Variants in CNTN4 observed in about 807,000 individuals in gnomAD.
CNTN4 encodes contactin 4.
CNTN4 carries 77 observed loss-of-function variants against 122.5 expected under a neutral mutation model. The observed-to-expected ratio is 0.63, with a 90% confidence interval of 0.52 to 0.76. The LOEUF (loss-of-function observed/expected upper bound fraction) is 0.76. Ranked by LOEUF, CNTN4 falls within the 30% of genes least tolerant of loss-of-function variation. The pLI, the probability that CNTN4 is intolerant of heterozygous loss-of-function variation, is 0.00. For synonymous variants in CNTN4, 512 were observed against 447.0 expected (o/e 1.15, Z -1.83); for missense variants, 1,256 against 1,259.1 (o/e 1.00, Z 0.04).
chr3:2,559,436 A>C (rs568492635), intron 3 of CNTN4, among the ~76,000 whole-genome samples: 25 of 152,274 alleles, frequency 1.6e-4, no homozygotes, highest in African/African-American at 5.8e-4. Context: ...TAAGGGACTC[A>C]CATAATCCTC....
At chr3:2,707,316 A>C (rs946625400) in intron 4 of CNTN4, among the ~76,000 whole-genome samples, 5 of 147,640 alleles carry the variant, frequency 3.4e-5, no homozygotes, top group South Asian at 4.2e-4. Context: ...AAAAAAAAAA[A>C]CCCAAAAAAA....
intron 4 of CNTN4, among the ~76,000 whole-genome samples, chr3:2,617,303 C>G (rs71311716): frequency 0.1 from 15,236 of 151,812 alleles, 980 homozygotes; most frequent in Non-Finnish European, 0.14. Flanking sequence ...AAGAAAAAAA[C>G]AACCCCATCA....
At chr3:2,466,906 T>C (rs1035691163) in intron 3 of CNTN4, among the ~76,000 whole-genome samples, 1 of 151,974 alleles carries the variant, frequency 6.6e-6, no homozygotes, top group East Asian at 1.9e-4. Flanking sequence ...TTTGTTCTTT[T>C]AGCAAGACCT....
intron 3 of CNTN4, among the ~76,000 whole-genome samples, chr3:2,515,660 G>A (rs898123030): frequency 1.8e-4 from 27 of 151,974 alleles, no homozygotes; most frequent in Admixed American, 1.8e-3. Context: ...AGTCCTCTTA[G>A]TTGAAAACAG....
intron 8 of CNTN4, among the ~76,000 whole-genome samples, chr3:2,876,646 A>C (rs2093848212): frequency 6.6e-6 from 1 of 152,258 alleles, no homozygotes; most frequent in African/African-American, 2.4e-5. Flanking sequence ...TTAAACAAGC[A>C]CGATGTGTTG....
At chr3:2,386,698 T>G (rs906057403) in intron 3 of CNTN4, among the ~76,000 whole-genome samples, 1 of 152,186 alleles carries the variant, frequency 6.6e-6, no homozygotes, top group Admixed American at 6.5e-5. Flanking sequence ...TAAGGGCACA[T>G]TTTCCTCTTT....
chr3:2,798,675 G>GT (rs1384852327), intron 6 of CNTN4, among the ~76,000 whole-genome samples: 17 of 151,848 alleles, frequency 1.1e-4, no homozygotes, highest in East Asian at 1.9e-4. Context: ...ACACTTGGCT[G>GT]TTTTTTTGTA....
intron 4 of CNTN4, among the ~76,000 whole-genome samples, chr3:2,698,211 C>G (rs1463628913): frequency 3.3e-5 from 5 of 152,184 alleles, no homozygotes; most frequent in Non-Finnish European, 7.3e-5. Flanking sequence ...AAAATCCATA[C>G]TTTTACTATT....
At chr3:2,459,264 TC>T (rs1445092315) in intron 3 of CNTN4, among the ~76,000 whole-genome samples, 2 of 152,170 alleles carry the variant, frequency 1.3e-5, no homozygotes, top group Non-Finnish European at 2.9e-5. Flanking sequence ...CAGCCTTTTT[TC>T]TTCACCTCAC....
chr3:2,859,571 C>G (rs2093652174), intron 7 of CNTN4, among the ~76,000 whole-genome samples: 1 of 150,690 alleles, frequency 6.6e-6, no homozygotes, highest in African/African-American at 2.4e-5. Flanking sequence ...TCTTCCCTTG[C>G]AGGATGCAAA....
chr3:2,277,108 G>A (rs575377937), intron 2 of CNTN4, among the ~76,000 whole-genome samples: 1 of 152,038 alleles, frequency 6.6e-6, no homozygotes, highest in African/African-American at 2.4e-5. Flanking sequence ...GAGGAGGAGG[G>A]AGATATGTGT....
Position 2,208,672 on chromosome 3 carries a change from C to T in CNTN4, c.-145+108033C>T, listed in dbSNP as rs1367716741. 7.9e-5 allele frequency among the ~76,000 whole-genome samples: 12 copies of T among 152,182 alleles called. No homozygotes were observed. The East Asian group carries it at 9.7e-4, about 12-fold the overall frequency. ...CCACATGCTACAGAGAAATCTTTCT[C>T]GAAAGGAAGGGTCTATCTATGCAGC... On this transcript the variant is annotated intron_variant, in intron 2 of 24. Coordinates refer to ENST00000418658, the MANE Select transcript of CNTN4 (RefSeq NM_175607.3).
intron 9 of CNTN4, among the ~76,000 whole-genome samples, chr3:2,885,823 C>T (rs2093968420): frequency 6.6e-6 from 1 of 152,164 alleles, no homozygotes; most frequent in South Asian, 2.1e-4. Flanking sequence ...GTCTAGAAAG[C>T]TCACAAGAGT....
intron 2 of CNTN4, among the ~76,000 whole-genome samples, chr3:2,152,975 G>C (rs186126398): frequency 1.3e-5 from 2 of 152,154 alleles, no homozygotes; most frequent in Admixed American, 6.5e-5. Flanking sequence ...TGGAAGGAGG[G>C]CTGCCCATGG....
At chr3:2,826,399 C>T (rs970577341) in intron 7 of CNTN4, among the ~76,000 whole-genome samples, 1 of 152,168 alleles carries the variant, frequency 6.6e-6, no homozygotes, top group Non-Finnish European at 1.5e-5. Context: ...TGTAATTTTA[C>T]GTGGACATAC....
At chr3:2,519,788 C>T (rs1178144574) in intron 3 of CNTN4, among the ~76,000 whole-genome samples, 1 of 152,122 alleles carries the variant, frequency 6.6e-6, no homozygotes, top group African/African-American at 2.4e-5. Context: ...CTAAACGCAT[C>T]TATCGAATTC....
chr3:2,577,660 T>C (rs1050349873), intron 4 of CNTN4, among the ~76,000 whole-genome samples: 1 of 152,188 alleles, frequency 6.6e-6, no homozygotes, highest in Non-Finnish European at 1.5e-5. Context: ...TGGAATTCTA[T>C]TCAACTAATA....
At chr3:2,616,187 TC>T (rs771853320) in intron 4 of CNTN4, among the ~76,000 whole-genome samples, 4 of 145,970 alleles carry the variant, frequency 2.7e-5, no homozygotes, top group Non-Finnish European at 6.0e-5. Flanking sequence ...GTTGTTCCCC[TC>T]CCTGTGTCCA....
intron 13 of CNTN4, among the ~76,000 whole-genome samples, chr3:2,983,000 G>C (rs1694174369): frequency 6.6e-6 from 1 of 151,828 alleles, no homozygotes; most frequent in Non-Finnish European, 1.5e-5. Flanking sequence ...GGATCACGAG[G>C]TCAGGAGATC....
Sources: allele counts gnomAD v4.1 joint callset (sites outside exome capture counted in the v4.1 genomes callset), GRCh38; gene constraint gnomAD v4.1.1; transcripts MANE v1.5; gene names NCBI Gene and HGNC (gene_info 2026-07-23, HGNC 2026-07-21).